GBF1: variants seen among roughly 807,000 people sequenced by gnomAD.
GBF1 encodes golgi brefeldin A resistant guanine nucleotide exchange factor 1.
A neutral mutation model predicts 210.5 loss-of-function variants in GBF1; 114 were observed. The ratio of observed to expected loss-of-function variants is 0.54; its 90% confidence interval spans 0.47 to 0.63. The LOEUF (loss-of-function observed/expected upper bound fraction) is 0.63, where lower values mean the gene tolerates loss of function less well. GBF1 is among the 30% of genes least tolerant of loss of function. The probability of loss-of-function intolerance (pLI) is 0.00; values close to 1 mark genes in which losing one functional copy is unlikely to be tolerated. For synonymous variants in GBF1, 850 were observed against 889.2 expected (o/e 0.96, Z 0.78); for missense variants, 1,851 against 2,357.7 (o/e 0.79, Z 4.45).
chr10:102,358,773 G>A (rs1404243007), intron 10 of GBF1, 44 bp downstream of exon 10: 2 of 1,283,008 alleles, frequency 1.6e-6, no homozygotes, highest in Non-Finnish European at 2.3e-6. Flanking sequence ...ATTCCACTGT[G>A]GGAAATGGCT....
At chr10:102,376,836 C>T in intron 32 of GBF1, 36 bp downstream of exon 32, 1 of 1,609,446 alleles carries the variant, frequency 6.2e-7, no homozygotes. Flanking sequence ...TGGGGAGTAG[C>T]CATGCAATTA....
chr10:102,324,595 T>C (rs1169949188), intron 3 of GBF1, among the ~76,000 whole-genome samples: 1 of 152,142 alleles, frequency 6.6e-6, no homozygotes, highest in East Asian at 1.9e-4. Flanking sequence ...TTGATCTTTT[T>C]TTTTTATTTG....
At chr10:102,288,327 T>A (rs557065322) in intron 3 of GBF1, among the ~76,000 whole-genome samples, 9 of 151,702 alleles carry the variant, frequency 5.9e-5, no homozygotes, top group African/African-American at 2.2e-4. Flanking sequence ...CAGACTGAGA[T>A]ATATAATGAT....
At chr10:102,254,014 T>C (rs1166256984) in intron 1 of GBF1, among the ~76,000 whole-genome samples, 1 of 152,232 alleles carries the variant, frequency 6.6e-6, no homozygotes, top group Non-Finnish European at 1.5e-5. Context: ...CTAGTTCTTA[T>C]AGTTTTGTAG....
chr10:102,293,769 G>GTTTTTTTTTT (rs2076658017), intron 3 of GBF1, among the ~76,000 whole-genome samples: 2 of 27,770 alleles, frequency 7.2e-5, no homozygotes, highest in Non-Finnish European at 1.2e-4. Flanking sequence ...AGTATGTTTT[G>GTTTTTTTTTT]TGTTTTTTTT....
rs529373035 is a variant in GBF1, at chr10:102,364,514, A to G, written c.2106+716A>G. 7.4e-5 allele frequency among the ~76,000 whole-genome samples: 11 copies of G among 148,032 alleles called. No homozygotes were observed. In the South Asian group the frequency reaches 1.4e-3, roughly 19 times the overall value. On this transcript the variant is annotated intron_variant, in intron 17 of 39. Coordinates refer to ENST00000369983, the MANE Select transcript of GBF1 (RefSeq NM_001377137.1). Reference sequence around the variant, plus strand: ...GCTGGGATTACAGTCGTGAGCCACCATGTCTGGCCTGTACTTTGGGTTTCT... The same window carrying G: ...GCTGGGATTACAGTCGTGAGCCACCGTGTCTGGCCTGTACTTTGGGTTTCT...
rs550859826 is a variant in GBF1 at position 102,290,432 on chromosome 10, A to G, written c.163+30316A>G. Reference sequence around the variant, plus strand: ...AACTATCCTTTTTAAATTTTGATTCATTATATGTAGTAGAACCTTATCTCT... The same window carrying G: ...AACTATCCTTTTTAAATTTTGATTCGTTATATGTAGTAGAACCTTATCTCT... On this transcript the variant is annotated intron_variant, in intron 3 of 39. Transcript: ENST00000369983. 9.9e-5 allele frequency among the ~76,000 whole-genome samples: 15 copies of G among 152,198 alleles called. No individual in the cohort carries two copies. The South Asian group carries it at 2.9e-3, about 29-fold the overall frequency.
Position 102,365,540 on chromosome 10 carries a change from G to A in GBF1, c.2250G>A (p.Lys750=). Residue 750 remains lysine, a synonymous_variant, in exon 18 of 40, where the codon AAG becomes AAA. Transcript: ENST00000369983. ...GAGAGAACCCTCGGCTGGACAAGAAGATGATTGGAGAGTTTGTGAGTGACC... is the reference window on the plus strand; with the variant it reads ...GAGAGAACCCTCGGCTGGACAAGAAAATGATTGGAGAGTTTGTGAGTGACC... The part of the protein sequence containing the change: ...WLRENPRLDK[K]MIGEFVSDRK... 1 of 1,614,204 alleles carries A rather than the reference G, an allele frequency of 6.2e-7. No individual in the cohort carries two copies. The highest frequency in any genetic ancestry group is 8.5e-7 in the Non-Finnish European group (1 of 1,180,030).
At chr10:102,308,254 T>G (rs2078098794) in intron 3 of GBF1, among the ~76,000 whole-genome samples, 1 of 133,960 alleles carries the variant, frequency 7.5e-6, no homozygotes, top group South Asian at 2.4e-4. Flanking sequence ...AGAAATAAAA[T>G]GGATAAGTAA....
intron 1 of GBF1, among the ~76,000 whole-genome samples, chr10:102,257,850 C>T (rs1290747985): frequency 2.0e-5 from 3 of 152,118 alleles, no homozygotes; most frequent in African/African-American, 7.2e-5. Flanking sequence ...CCGCCTCGTC[C>T]TCCCAAAGTG....
At chr10:102,261,452 TA>T (rs2073205141) in intron 3 of GBF1, among the ~76,000 whole-genome samples, 1 of 152,154 alleles carries the variant, frequency 6.6e-6, no homozygotes, top group Non-Finnish European at 1.5e-5. Context: ...TGTCAGACTG[TA>T]ATTGGATAGT....
rs571538095 is a variant in GBF1 at position 102,377,207 on chromosome 10, G to A, written c.4494+67G>A. 4.5e-6 allele frequency: 6 copies of A among 1,327,200 alleles called. No individual in the cohort carries two copies. In the South Asian group the frequency reaches 6.1e-5, roughly 13 times the overall value. 82.2% of individuals were successfully genotyped at this position (1,327,200 alleles called of 1,614,324 possible). ...GATACTGGGAGCCTGGGGCGGCCAG[G>A]GAAAGCCAGGGCTGAGGGGAAGGGC... On this transcript the variant is annotated intron_variant, in intron 33 of 39. Transcript: ENST00000369983.
Position 102,344,771 on chromosome 10 carries a change from T to C in GBF1, c.295+589T>C, listed in dbSNP as rs552557507. 2.0e-5 allele frequency among the ~76,000 whole-genome samples: 3 copies of C among 152,254 alleles called. 1 individual carries two copies. Among genetic ancestry groups the C allele is most frequent in the African/African-American group, 4.8e-5 (2 of 41,554 alleles). ...CTGGGATTACAGGTGTGAGCCACTGTGCCTGGCCTGGTTAGGTTTATTTTT... is the reference window on the plus strand; with the variant it reads ...CTGGGATTACAGGTGTGAGCCACTGCGCCTGGCCTGGTTAGGTTTATTTTT... On this transcript the variant is annotated intron_variant, in intron 4 of 39. Transcript: ENST00000369983.
chr10:102,376,778 T>G lies in GBF1; in HGVS notation c.4266T>G (p.Phe1422Leu). ...FELCVKTLRIFVEASLNGGCK... is the reference protein window; with the variant it reads ...FELCVKTLRILVEASLNGGCK... ...TCTGCGTCAAGACTCTCCGGATCTT[T>G]GTGGAGGCCAGTCTGAATGGCGGTG... is the stretch of plus-strand genomic sequence containing the variant. Residue 1422 changes from phenylalanine to leucine, a missense_variant, in exon 32 of 40, where the codon TTT becomes TTG. Physicochemically the swap from Phe to Leu is conservative, Grantham distance 22. Transcript: ENST00000369983. The G allele has an allele frequency of 6.2e-7, 1 of 1,609,104 alleles. No individual in the cohort carries two copies. The highest frequency in any genetic ancestry group is 1.1e-5 in the South Asian group (1 of 91,074).
chr10:102,279,754 A>G (rs1229642468), intron 3 of GBF1, among the ~76,000 whole-genome samples: 1 of 152,130 alleles, frequency 6.6e-6, no homozygotes, highest in African/African-American at 2.4e-5. Context: ...TACTACGGAG[A>G]ATAGGCTAAT....
chr10:102,368,877 C>T, intron 23 of GBF1, 45 bp downstream of exon 23: 1 of 1,329,170 alleles, frequency 7.5e-7, no homozygotes, highest in Admixed American at 1.7e-5. Context: ...CAAAGGAGGA[C>T]CTCTCTTTTA....
chr10:102,297,140 G>GTTCT (rs2076974682), intron 3 of GBF1, among the ~76,000 whole-genome samples: 1 of 152,296 alleles, frequency 6.6e-6, no homozygotes, highest in South Asian at 2.1e-4. Flanking sequence ...GAACCCCTTG[G>GTTCT]TTCTATTTGG....
upstream of GBF1, among the ~76,000 whole-genome samples, chr10:102,240,460 A>G (rs1165560838): frequency 6.6e-6 from 1 of 152,206 alleles, no homozygotes; most frequent in Non-Finnish European, 1.5e-5. Flanking sequence ...AGCTGAAACA[A>G]GTTTGCAAAG....
At chr10:102,325,627 A>T (rs2056834646) in intron 3 of GBF1, among the ~76,000 whole-genome samples, 1 of 151,118 alleles carries the variant, frequency 6.6e-6, no homozygotes, top group Non-Finnish European at 1.5e-5. Flanking sequence ...ACTGGAACCC[A>T]TATGAACTTA....
Sources: allele counts gnomAD v4.1 joint callset (sites outside exome capture counted in the v4.1 genomes callset), GRCh38; gene constraint gnomAD v4.1.1; transcripts MANE v1.5; gene names NCBI Gene and HGNC (gene_info 2026-07-23, HGNC 2026-07-21).